MAP3K15: variants seen among roughly 807,000 people sequenced by gnomAD.
MAP3K15 encodes MAPK/ERK kinase kinase 15.
A neutral mutation model predicts 99.5 loss-of-function variants in MAP3K15; 124 were observed. That is an observed-to-expected ratio of 1.25 (90% confidence interval 1.08 to 1.45). The LOEUF is 1.45. Ranked by LOEUF, MAP3K15 falls within the 40% of genes most tolerant of loss-of-function variation. The pLI, the probability that MAP3K15 is intolerant of heterozygous loss-of-function variation, is 0.00. For synonymous variants in MAP3K15, 494 were observed against 439.6 expected (o/e 1.12, Z -1.55); for missense variants, 1,242 against 1,079.7 (o/e 1.15, Z -2.11).
chrX:19,419,910 G>A (rs1316425453), intron 9 of MAP3K15, among the ~76,000 whole-genome samples: 2 of 111,885 alleles, frequency 1.8e-5, no homozygotes, highest in Non-Finnish European at 3.8e-5. Context: ...CAACTACATG[G>A]AAACTGAACA....
chrX:19,380,033 T>C (rs753768347), intron 19 of MAP3K15, 87 bp downstream of exon 19: 2 of 975,759 alleles, frequency 2.0e-6, no homozygotes, highest in Non-Finnish European at 2.7e-6. Context: ...CCTACCTTTG[T>C]GGAGAGGTTT....
intron 1 of MAP3K15, chrX:19,497,710 G>A (rs1337764605): frequency 9.0e-6 from 1 of 110,934 alleles, no homozygotes; most frequent in Non-Finnish European, 1.9e-5. Flanking sequence ...ATCTTGTATG[G>A]CTAGAACTGG....
intron 26 of MAP3K15, among the ~76,000 whole-genome samples, chrX:19,362,230 C>CTTTTT (rs1159241316): frequency 2.6e-5 from 2 of 75,691 alleles, no homozygotes; most frequent in African/African-American, 5.8e-5. Flanking sequence ...CCTTTTGAAT[C>CTTTTT]TTTTTTTTTT....
intron 1 of MAP3K15, among the ~76,000 whole-genome samples, chrX:19,490,757 A>AT (rs1355641780): frequency 4.2e-5 from 4 of 95,360 alleles, no homozygotes; most frequent in African/African-American, 1.6e-4. Context: ...TCATAAACTA[A>AT]AAAAAAAAAA....
chrX:19,372,984 GTGTT>G, intron 21 of MAP3K15, 157 bp from the exon 22 acceptor site: 1 of 400,988 alleles, frequency 2.5e-6, no homozygotes, highest in Non-Finnish European at 4.0e-6. Flanking sequence ...CAGACATGCA[GTGTT>G]CTGTCAACCC....
intron 3 of MAP3K15, among the ~76,000 whole-genome samples, chrX:19,468,335 A>G (rs2064183021): frequency 8.9e-6 from 1 of 112,340 alleles, no homozygotes; most frequent in Admixed American, 9.5e-5. Flanking sequence ...TTTAAGGACT[A>G]TTCCTGCAAA....
chrX:19,460,448 G>T (rs186742472), intron 4 of MAP3K15, among the ~76,000 whole-genome samples: 1 of 112,140 alleles, frequency 8.9e-6, no homozygotes, highest in Non-Finnish European at 1.9e-5. Context: ...CACTGTCTCC[G>T]GCATTTTCAA....
intron 9 of MAP3K15, among the ~76,000 whole-genome samples, chrX:19,419,316 T>C (rs1368871435): frequency 2.2e-4 from 24 of 110,278 alleles, no homozygotes; most frequent in East Asian, 5.7e-4. Context: ...GAGACACACA[T>C]AGGCTCAAAA....
intron 24 of MAP3K15, 80 bp downstream of exon 24, chrX:19,370,879 G>T: frequency 1.3e-6 from 1 of 757,862 alleles, no homozygotes; most frequent in Non-Finnish European, 2.0e-6. Context: ...AAAGAGAAAA[G>T]CAACAACTGT....
At chrX:19,491,988 T>C (rs1252518273) in intron 1 of MAP3K15, among the ~76,000 whole-genome samples, 1 of 94,294 alleles carries the variant, frequency 1.1e-5, no homozygotes, top group Non-Finnish European at 2.1e-5. Flanking sequence ...ACCTGGCTAC[T>C]TTTTTTTTTT....
chrX:19,379,982 TG>T, intron 19 of MAP3K15, 137 bp downstream of exon 19: 1 of 655,598 alleles, frequency 1.5e-6, no homozygotes, highest in Non-Finnish European at 2.2e-6. Flanking sequence ...CCTCGCATTC[TG>T]GTTTAATGCT....
At chrX:19,398,137 C>CCCTTAACT in intron 15 of MAP3K15, 89 bp downstream of exon 15, 1 of 1,070,004 alleles carries the variant, frequency 9.3e-7, no homozygotes, top group Non-Finnish European at 1.3e-6. Flanking sequence ...AATGCTTTTG[C>CCCTTAACT]CCTTAACTCC....
chrX:19,431,693 C>T, intron 6 of MAP3K15, 85 bp from the exon 7 acceptor site: 1 of 865,558 alleles, frequency 1.2e-6, no homozygotes, highest in Admixed American at 3.1e-5. Flanking sequence ...CACCTGTAAT[C>T]CCAGCACTTT....
At chrX:19,489,753 T>C (rs926449988) in intron 1 of MAP3K15, among the ~76,000 whole-genome samples, 5 of 111,191 alleles carry the variant, frequency 4.5e-5, no homozygotes, top group African/African-American at 1.6e-4. Flanking sequence ...AATAAATTTC[T>C]GGCTGGGTGC....
At chrX:19,398,063 CAA>C (rs147279112) in intron 15 of MAP3K15, among the ~76,000 whole-genome samples, 161 bp downstream of exon 15, 6,505 of 50,164 alleles carry the variant, frequency 0.13, 487 homozygotes, top group African/African-American at 0.26. Context: ...GACTCCGTTT[CAA>C]AAAAAAAAAA....
intron 1 of MAP3K15, among the ~76,000 whole-genome samples, chrX:19,492,595 T>C (rs143452354): frequency 0.031 from 3,509 of 111,471 alleles, 118 homozygotes; most frequent in African/African-American, 0.095. Flanking sequence ...GTCAAGATAA[T>C]GCGCCACTGC....
intron 18 of MAP3K15, among the ~76,000 whole-genome samples, chrX:19,383,392 C>T (rs1022755765): frequency 5.3e-5 from 6 of 112,176 alleles, no homozygotes; most frequent in Non-Finnish European, 1.1e-4. Flanking sequence ...AGAAAAGAAA[C>T]GCTAAACCAA....
At chrX:19,403,859 T>C (rs1298498970) in intron 13 of MAP3K15, among the ~76,000 whole-genome samples, 2 of 111,188 alleles carry the variant, frequency 1.8e-5, no homozygotes, top group Non-Finnish European at 3.8e-5. Flanking sequence ...GAACTATGAA[T>C]AAAGGGAACT....
intron 4 of MAP3K15, among the ~76,000 whole-genome samples, chrX:19,462,257 C>T (rs914055487): frequency 8.9e-6 from 1 of 112,205 alleles, no homozygotes; most frequent in Admixed American, 9.5e-5. Flanking sequence ...CCTCCATTAA[C>T]ATTTAAAGAA....
Sources: gnomAD v4.1 joint callset for allele counts (sites outside exome capture counted in the v4.1 genomes callset) on GRCh38, gnomAD v4.1.1 for gene constraint, MANE v1.5 for transcripts, NCBI Gene and HGNC (gene_info 2026-07-23, HGNC 2026-07-21) for gene names.